Variants in CTNNA3 observed in about 807,000 individuals in gnomAD.
The protein encoded by CTNNA3 is catenin alpha 3, also known as catenin alpha-3.
A neutral mutation model predicts 95.7 loss-of-function variants in CTNNA3; 76 were observed. The observed-to-expected ratio is 0.79, with a 90% CI of 0.66 to 0.96. The LOEUF is 0.96. Ranked by LOEUF, CTNNA3 falls within the 40% of genes least tolerant of loss-of-function variation. The pLI, the probability that CTNNA3 is intolerant of heterozygous loss-of-function variation, is 0.00. For synonymous variants in CTNNA3, 431 were observed against 374.4 expected, an observed-to-expected ratio of 1.15 and a Z score of -1.74; for missense variants, 1,191 against 1,089.8, an observed-to-expected ratio of 1.09 and a Z score of -1.31.
At chr10:66,325,984 A>C (rs1474568921) in intron 12 of CTNNA3, among the ~76,000 whole-genome samples, 3 of 152,164 alleles carry the variant, frequency 2.0e-5, no homozygotes. Context: ...ATGGCTGATA[A>C]AAATGATTAC....
intron 9 of CTNNA3, among the ~76,000 whole-genome samples, chr10:66,633,284 G>A (rs1287716424): frequency 6.6e-6 from 1 of 152,064 alleles, no homozygotes; most frequent in Non-Finnish European, 1.5e-5. Flanking sequence ...GTAATATTAT[G>A]ATTCTGTAAA....
intron 1 of CTNNA3, among the ~76,000 whole-genome samples, chr10:67,690,867 T>TCCCTCA (rs1402102877): frequency 6.6e-6 from 1 of 151,934 alleles, no homozygotes; most frequent in African/African-American, 2.4e-5. Flanking sequence ...CCTCTCCCTC[T>TCCCTCA]CCCTCTCCGT....
intron 1 of CTNNA3, among the ~76,000 whole-genome samples, chr10:67,676,496 C>T (rs149537434): frequency 3.9e-5 from 6 of 152,224 alleles, no homozygotes; most frequent in African/African-American, 1.4e-4. Flanking sequence ...AAACCACTTC[C>T]CAATTGCCAG....
chr10:67,686,871 C>T (rs946272517), intron 1 of CTNNA3, among the ~76,000 whole-genome samples: 2 of 152,040 alleles, frequency 1.3e-5, no homozygotes, highest in Non-Finnish European at 2.9e-5. Context: ...CCTTCCAATG[C>T]CCAGACTTCA....
chr10:67,272,653 A>G (rs1244311048), intron 5 of CTNNA3, among the ~76,000 whole-genome samples: 1 of 152,214 alleles, frequency 6.6e-6, no homozygotes, highest in Non-Finnish European at 1.5e-5. Context: ...CCATTTTAGC[A>G]GAAGAGAATA....
At chr10:67,141,589 A>C (rs987436417) in intron 7 of CTNNA3, among the ~76,000 whole-genome samples, 1 of 152,174 alleles carries the variant, frequency 6.6e-6, no homozygotes, top group Non-Finnish European at 1.5e-5. Context: ...GGTTCAACAG[A>C]GTAGCCATAG....
At chr10:67,399,907 T>TATA (rs899173874) in intron 5 of CTNNA3, among the ~76,000 whole-genome samples, 5 of 152,010 alleles carry the variant, frequency 3.3e-5, no homozygotes, top group Admixed American at 1.3e-4. Context: ...TTTCTATAGT[T>TATA]ATATTTTAAT....
intron 13 of CTNNA3, among the ~76,000 whole-genome samples, chr10:66,153,125 A>C (rs772563094): frequency 1.0e-3 from 154 of 151,958 alleles, no homozygotes; most frequent in Non-Finnish European, 1.6e-3. Flanking sequence ...TCTTTTTCAA[A>C]TATGCGTGTT....
chr10:67,169,943 C>T (rs1861941473), intron 7 of CTNNA3, among the ~76,000 whole-genome samples: 1 of 152,068 alleles, frequency 6.6e-6, no homozygotes, highest in South Asian at 2.1e-4. Context: ...AAAACAACCC[C>T]ATTAAAAAGC....
chr10:66,396,315 C>G (rs544377306), intron 11 of CTNNA3, among the ~76,000 whole-genome samples: 21 of 151,996 alleles, frequency 1.4e-4, no homozygotes, highest in African/African-American at 5.1e-4. Context: ...TACTAAAATT[C>G]CCTTTTAGTT....
chr10:66,051,892 G>A (rs2079967122), intron 15 of CTNNA3, among the ~76,000 whole-genome samples: 1 of 152,230 alleles, frequency 6.6e-6, no homozygotes, highest in African/African-American at 2.4e-5. Flanking sequence ...AAACTCAGAA[G>A]TTATTTCTTC....
At chr10:66,269,693 T>C (rs895801452) in intron 13 of CTNNA3, among the ~76,000 whole-genome samples, 3 of 152,210 alleles carry the variant, frequency 2.0e-5, no homozygotes, top group Non-Finnish European at 4.4e-5. Context: ...TAGAGGATAA[T>C]GTGCATAAAA....
intron 12 of CTNNA3, among the ~76,000 whole-genome samples, chr10:66,281,989 C>A (rs1446601726): frequency 6.6e-6 from 1 of 151,774 alleles, no homozygotes; most frequent in Admixed American, 6.6e-5. Context: ...AATTCATTAG[C>A]CTCAAATTTT....
At chr10:67,381,772 T>C (rs1390437341) in intron 5 of CTNNA3, among the ~76,000 whole-genome samples, 1 of 152,184 alleles carries the variant, frequency 6.6e-6, no homozygotes, top group African/African-American at 2.4e-5. Flanking sequence ...TTAAGTTCTT[T>C]CTAGAATTGA....
chr10:66,178,440 T>TATATACATATATATATATATAC lies in CTNNA3; in HGVS notation c.1885-75192_1885-75191insGTATATATATATATATGTATAT, dbSNP rs1231414006. Among the ~76,000 whole-genome samples the TATATACATATATATATATATAC allele has an allele frequency of 1.6e-3, 173 of 105,750 alleles. 4 individuals carry two copies. The highest frequency in any genetic ancestry group is 2.9e-3 in the South Asian group (10 of 3,486). 69.4% of individuals were successfully genotyped at this position (105,750 alleles called of 152,430 possible). A position where few individuals can be genotyped will look rare whatever the true frequency, so the allele number is the denominator to read the frequency against. On this transcript the variant is annotated intron_variant, in intron 13 of 17. Coordinates refer to ENST00000433211, the MANE Select transcript of CTNNA3 (RefSeq NM_013266.4). ...ATATATATATATATATATATATATATATACACACACAGATATAGAAAGAGA... is the reference window on the plus strand; with the variant it reads ...ATATATATATATATATATATATATATATATACATATATATATATATACATACACACACAGATATAGAAAGAGA...
intron 5 of CTNNA3, among the ~76,000 whole-genome samples, chr10:67,516,102 A>G (rs1275852473): frequency 1.3e-5 from 2 of 152,148 alleles, no homozygotes; most frequent in African/African-American, 4.8e-5. Flanking sequence ...AGCTGCGATT[A>G]CAGTTGCCTG....
intron 15 of CTNNA3, among the ~76,000 whole-genome samples, chr10:66,040,225 A>C (rs1052747053): frequency 6.6e-6 from 1 of 152,106 alleles, no homozygotes; most frequent in African/African-American, 2.4e-5. Flanking sequence ...TCAAAAAATA[A>C]CAGGTGCTGC....
chr10:66,031,808 G>A (rs895596415), intron 15 of CTNNA3, among the ~76,000 whole-genome samples: 1 of 152,196 alleles, frequency 6.6e-6, no homozygotes, highest in African/African-American at 2.4e-5. Flanking sequence ...AAAGTGGTCA[G>A]AAAAGGATTA....
At chr10:67,111,029 G>A (rs1397322951) in intron 7 of CTNNA3, among the ~76,000 whole-genome samples, 4 of 152,140 alleles carry the variant, frequency 2.6e-5, no homozygotes, top group African/African-American at 9.7e-5. Flanking sequence ...GCGAAGAACA[G>A]TTAGAGTTGC....
Sources: allele counts gnomAD v4.1 joint callset (sites outside exome capture counted in the v4.1 genomes callset), GRCh38; gene constraint gnomAD v4.1.1; transcripts MANE v1.5; gene names NCBI Gene and HGNC (gene_info 2026-07-23, HGNC 2026-07-21).